Variants in VPS13B observed in about 807,000 individuals in gnomAD.
VPS13B encodes the protein vacuolar protein sorting 13 homolog B.
VPS13B carries 285 observed loss-of-function variants against 426.4 expected under a neutral mutation model. That is an observed-to-expected ratio of 0.67 (90% confidence interval 0.61 to 0.74). VPS13B has a LOEUF of 0.74. Ranked by LOEUF, VPS13B falls within the 30% of genes least tolerant of loss-of-function variation. The pLI is 0.00. For missense variants in VPS13B, 4,537 were observed against 4,782.6 expected, an observed-to-expected ratio of 0.95 and a Z score of 1.51; for synonymous variants, 1,676 against 1,676.4, an observed-to-expected ratio of 1.00 and a Z score of 0.01.
In VPS13B at chr8:99,720,385, T is replaced by C. The variant is rs776873589; in HGVS notation, c.6698T>C (p.Leu2233Pro). The change falls in exon 38 of 62, where the codon CTA becomes CCA. Residue 2233 changes from leucine (L) to proline (P), a missense_variant. By Grantham distance (98) the Leu-to-Pro change is moderately conservative (BLOSUM62 -3). Transcript: ENST00000357162. ...GAACATTTGAATTGTTTAGTTCTTC[T>C]ACATGAATTACTCAATGGATACCTT... ...GQEHLNCLVL[L>P]HELLNGYLNE... 5.0e-6 allele frequency: 8 copies of C among 1,613,654 alleles called. No individual in the cohort carries two copies. Among genetic ancestry groups the C allele is most frequent in the Non-Finnish European group, 6.8e-6 (8 of 1,179,896 alleles).
chr8:99,833,746 G>C (rs1322133775), intron 52 of VPS13B, among the ~76,000 whole-genome samples: 1 of 152,116 alleles, frequency 6.6e-6, no homozygotes, highest in African/African-American at 2.4e-5. Context: ...TGGAAATTAA[G>C]CTTAAAATTC....
At chr8:99,350,812 C>T (rs1428608160) in intron 19 of VPS13B, among the ~76,000 whole-genome samples, 3 of 150,812 alleles carry the variant, frequency 2.0e-5, no homozygotes, top group South Asian at 4.2e-4. Flanking sequence ...ATATAATATG[C>T]AATATGAATT....
chr8:99,084,213 T>A (rs1378314628), intron 3 of VPS13B, among the ~76,000 whole-genome samples: 1 of 152,224 alleles, frequency 6.6e-6, no homozygotes, highest in African/African-American at 2.4e-5. Context: ...TTTATCCATT[T>A]CTTCTAGATT....
At chr8:99,083,527 C>T (rs562677047) in intron 3 of VPS13B, among the ~76,000 whole-genome samples, 2 of 149,080 alleles carry the variant, frequency 1.3e-5, no homozygotes, top group South Asian at 4.4e-4. Context: ...GCATCCCTGT[C>T]TTGTGCCAGT....
chr8:99,135,239 C>T (rs1199625150), intron 10 of VPS13B, 102 bp downstream of exon 10: 7 of 1,482,806 alleles, frequency 4.7e-6, no homozygotes, highest in African/African-American at 4.2e-5. Context: ...ATATATATCT[C>T]AGGCTTGAGA....
At chr8:99,835,136 A>C in intron 52 of VPS13B, 61 bp from the exon 53 acceptor site, 1 of 1,608,406 alleles carries the variant, frequency 6.2e-7, no homozygotes, top group Non-Finnish European at 8.5e-7. Flanking sequence ...CATGTTCCAG[A>C]GGAGAGAGCA....
At chr8:99,659,754 TTTG>T (rs1830153545) in intron 34 of VPS13B, among the ~76,000 whole-genome samples, 1 of 152,212 alleles carries the variant, frequency 6.6e-6, no homozygotes, top group African/African-American at 2.4e-5. Context: ...TGTTCATTAT[TTTG>T]TTATTTATAT....
chr8:99,211,398 A>T (rs1815081635), intron 17 of VPS13B, among the ~76,000 whole-genome samples: 1 of 152,124 alleles, frequency 6.6e-6, no homozygotes, highest in Admixed American at 6.6e-5. Context: ...GAGGAAGGGG[A>T]GAGGACTTGG....
Position 99,502,816 on chromosome 8 carries a change from C to T in VPS13B, c.4043-20C>T, listed in dbSNP as rs2133613242. ...AATTGTGAAGACTGTGTTGATATTA[C>T]TGCTTGTTTCTTATTGCAGAGGTTT... On this transcript the variant is annotated intron_variant, in intron 26 of 61. Transcript: ENST00000357162. 3 of 1,522,420 alleles carry T rather than the reference C, an allele frequency of 2.0e-6. No homozygotes were observed. In the South Asian group the frequency reaches 3.4e-5, roughly 17 times the overall value. The allele number at this position is 1,522,420 out of a possible 1,614,324, so 94.3% of individuals were successfully genotyped here.
chr8:99,667,269 C>T (rs1325544798), intron 35 of VPS13B, among the ~76,000 whole-genome samples: 2 of 151,360 alleles, frequency 1.3e-5, no homozygotes, highest in African/African-American at 2.4e-5. Flanking sequence ...TTATATGGCT[C>T]TTATCAAACT....
At chr8:99,798,846 T>C (rs575014578) in intron 43 of VPS13B, among the ~76,000 whole-genome samples, 94 of 152,230 alleles carry the variant, frequency 6.2e-4, no homozygotes, top group Non-Finnish European at 1.1e-3. Flanking sequence ...ACTGAGCTAA[T>C]TTTAAATGTG....
rs373498932 is a variant in VPS13B at position 99,170,175 on chromosome 8, A to G, written c.2333+12A>G. The stretch of plus-strand genomic sequence containing the variant: ...CTCCCCACATGCTGGTAAGTCTTAC[A>G]TGTTAAAATGTGATTTATGTTAATT... On this transcript the variant is annotated intron_variant, in intron 16 of 61. Transcript: ENST00000357162. 2 of 1,611,646 alleles carry G rather than the reference A, an allele frequency of 1.2e-6. No homozygotes were observed. Among genetic ancestry groups the G allele is most frequent in the South Asian group, 1.1e-5 (1 of 91,018 alleles).
chr8:99,832,480 TC>T lies in VPS13B; in HGVS notation c.9443del (p.Ser3148Ter). 6.2e-7 allele frequency: 1 copy of T among 1,613,070 alleles called. No homozygotes were observed. The highest frequency in any genetic ancestry group is 8.5e-7 in the Non-Finnish European group (1 of 1,179,836). ...GGACTTGATGCCTGACATCAGTCAG[TC>T]AGTACTGGATGCATCCCTGCTTCAG... ...CWDLMPDISQ[S>X]VLDASLLQKQ... On this transcript the variant is annotated frameshift_variant, in exon 52 of 62. Coordinates refer to ENST00000357162, the MANE Select transcript of VPS13B (RefSeq NM_152564.5). LOFTEE classifies it high-confidence loss of function.
chr8:99,419,397 G>A (rs1370698114), intron 21 of VPS13B, among the ~76,000 whole-genome samples: 2 of 152,034 alleles, frequency 1.3e-5, no homozygotes, highest in African/African-American at 4.8e-5. Flanking sequence ...ATAGCAGTGT[G>A]AAAACAGACT....
At chr8:99,029,863 C>T (rs1183733086) in intron 2 of VPS13B, among the ~76,000 whole-genome samples, 2 of 151,860 alleles carry the variant, frequency 1.3e-5, no homozygotes, top group Non-Finnish European at 2.9e-5. Flanking sequence ...ATGGAGAGTC[C>T]CTGGTATGTT....
chr8:99,125,308 C>G (rs1278290706), intron 8 of VPS13B, among the ~76,000 whole-genome samples: 2 of 152,124 alleles, frequency 1.3e-5, no homozygotes, highest in African/African-American at 4.8e-5. Context: ...CAGGAAGCAT[C>G]CAGCACAGGC....
intron 17 of VPS13B, among the ~76,000 whole-genome samples, chr8:99,252,813 TA>T (rs933671834): frequency 4.8e-4 from 73 of 151,590 alleles, no homozygotes; most frequent in East Asian, 2.1e-3. Context: ...CCAGTTTTTT[TA>T]AAAAAAAATT....
chr8:99,320,767 G>T (rs974008383), intron 19 of VPS13B, among the ~76,000 whole-genome samples: 5 of 152,132 alleles, frequency 3.3e-5, no homozygotes, highest in African/African-American at 1.2e-4. Context: ...TGATTATTAT[G>T]AATAAGAGTT....
chr8:99,761,200 A>AT (rs1810914400), intron 39 of VPS13B, among the ~76,000 whole-genome samples: 1 of 152,232 alleles, frequency 6.6e-6, no homozygotes, highest in East Asian at 1.9e-4. Flanking sequence ...ATTCTGACGC[A>AT]TAACTGACAT....
Sources: gnomAD v4.1 joint callset for allele counts (sites outside exome capture counted in the v4.1 genomes callset) on GRCh38, gnomAD v4.1.1 for gene constraint, MANE v1.5 for transcripts, NCBI Gene and HGNC (gene_info 2026-07-23, HGNC 2026-07-21) for gene names.